SBF2: variants seen among roughly 807,000 people sequenced by gnomAD.
SBF2 encodes the protein myotubularin-related protein 13.
SBF2 carries 112 observed loss-of-function variants against 225.2 expected under a neutral mutation model. That is an observed-to-expected ratio of 0.50 (90% CI 0.43 to 0.58). The LOEUF is 0.58. Ranked by LOEUF, SBF2 falls within the 20% of genes least tolerant of loss-of-function variation. The probability of loss-of-function intolerance (pLI) is 0.00; values close to 1 mark genes in which losing one functional copy is unlikely to be tolerated. For synonymous variants in SBF2, 763 were observed against 773.3 expected, an observed-to-expected ratio of 0.99 and a Z score of 0.22; for missense variants, 1,996 against 2,206.2, an observed-to-expected ratio of 0.90 and a Z score of 1.91.
At chr11:9,969,132 TTTCCAATCA>T (rs1312487080) in intron 13 of SBF2, among the ~76,000 whole-genome samples, 1 of 152,240 alleles carries the variant, frequency 6.6e-6, no homozygotes, top group African/African-American at 2.4e-5. Context: ...ACATTTATTT[TTTCCAATCA>T]TTTAGACAAA....
intron 16 of SBF2, among the ~76,000 whole-genome samples, chr11:9,945,766 G>A (rs571374524): frequency 6.6e-6 from 1 of 152,152 alleles, no homozygotes; most frequent in East Asian, 1.9e-4. Context: ...TAAAAAATGG[G>A]CAAAGGACAT....
rs184674526 is a variant in SBF2 at position 10,028,593 on chromosome 11, C to T, written c.514-36G>A. 9.2e-5 allele frequency: 118 copies of T among 1,284,494 alleles called. 1 individual carries two copies. The Admixed American group carries it at 1.6e-3, about 17-fold the overall frequency. The allele number at this position is 1,284,494 out of a possible 1,614,324, so 79.6% of individuals were successfully genotyped here. A position where few individuals can be genotyped will look rare whatever the true frequency, so the allele number is the denominator to read the frequency against. On this transcript the variant is annotated intron_variant, in intron 5 of 39. Transcript: ENST00000256190. ...GGAGAAACACAAACACACACACACA[C>T]GATTTCAGCCATTTTTTAAAAAATA... is the stretch of plus-strand genomic sequence containing the variant.
At chr11:10,026,087 G>A (rs1032468634) in intron 6 of SBF2, among the ~76,000 whole-genome samples, 4 of 151,116 alleles carry the variant, frequency 2.6e-5, no homozygotes, top group South Asian at 2.1e-4. Flanking sequence ...AATGCTTCTG[G>A]CACCTAAACA....
chr11:9,900,827 C>G (rs1861664153), intron 16 of SBF2, among the ~76,000 whole-genome samples: 1 of 152,188 alleles, frequency 6.6e-6, no homozygotes, highest in South Asian at 2.1e-4. Context: ...GCCCTGAACT[C>G]CTGGGCTCAA....
At chr11:10,253,352 CT>C (rs1347711743) in intron 1 of SBF2, among the ~76,000 whole-genome samples, 2 of 152,114 alleles carry the variant, frequency 1.3e-5, no homozygotes, top group African/African-American at 4.8e-5. Context: ...GAAAGCCTGT[CT>C]TTTTCTTTTT....
intron 2 of SBF2, among the ~76,000 whole-genome samples, chr11:10,054,093 A>G (rs1179476056): frequency 6.6e-6 from 1 of 152,216 alleles, no homozygotes; most frequent in African/African-American, 2.4e-5. Flanking sequence ...CTTAAAAGGG[A>G]CTATCCAAAA....
intron 1 of SBF2, among the ~76,000 whole-genome samples, chr11:10,219,443 C>T (rs888552470): frequency 1.6e-4 from 25 of 152,162 alleles, no homozygotes; most frequent in Admixed American, 1.6e-3. Flanking sequence ...GCCTCTGGAT[C>T]TGTGATGGGA....
At chr11:10,130,833 C>G (rs1008394163) in intron 2 of SBF2, among the ~76,000 whole-genome samples, 1 of 152,014 alleles carries the variant, frequency 6.6e-6, no homozygotes, top group Non-Finnish European at 1.5e-5. Flanking sequence ...ACATAATGCT[C>G]CTGACTGAGA....
intron 1 of SBF2, among the ~76,000 whole-genome samples, chr11:10,224,887 C>G (rs1364002240): frequency 2.6e-5 from 4 of 152,134 alleles, no homozygotes; most frequent in African/African-American, 9.7e-5. Flanking sequence ...GAACAGGGAC[C>G]ACACCTGCAT....
chr11:10,171,016 T>C (rs1003716217), intron 2 of SBF2, among the ~76,000 whole-genome samples: 2 of 150,708 alleles, frequency 1.3e-5, no homozygotes, highest in Admixed American at 1.3e-4. Flanking sequence ...TTCAATTTGT[T>C]CATCAGTTTT....
chr11:9,931,906 C>T (rs1209996139), intron 16 of SBF2, among the ~76,000 whole-genome samples: 1 of 152,158 alleles, frequency 6.6e-6, no homozygotes, highest in African/African-American at 2.4e-5. Flanking sequence ...GAATGGCTAA[C>T]TAGAACAAAC....
intron 2 of SBF2, among the ~76,000 whole-genome samples, chr11:10,142,709 A>G (rs1338111160): frequency 6.6e-6 from 1 of 152,256 alleles, no homozygotes; most frequent in East Asian, 1.9e-4. Flanking sequence ...GACTTCTGAT[A>G]TGTGAATATC....
chr11:10,140,680 T>C (rs12274021), intron 2 of SBF2, among the ~76,000 whole-genome samples: 3,201 of 152,216 alleles, frequency 0.021, 86 homozygotes, highest in African/African-American at 0.063. Flanking sequence ...CTCCCATTTA[T>C]AGCTAGTCAG....
At chr11:9,808,625 A>T in intron 31 of SBF2, 1 of 425,106 alleles carries the variant, frequency 2.4e-6, no homozygotes, top group Non-Finnish European at 4.3e-6. Context: ...AGGATGGTCC[A>T]CGCCTCACAC....
At chr11:9,941,657 T>C (rs1865258646) in intron 16 of SBF2, among the ~76,000 whole-genome samples, 1 of 152,196 alleles carries the variant, frequency 6.6e-6, no homozygotes, top group South Asian at 2.1e-4. Flanking sequence ...GGAAATGGAC[T>C]TAATAACCTG....
At chr11:10,156,871 C>T (rs926706846) in intron 2 of SBF2, among the ~76,000 whole-genome samples, 4 of 152,120 alleles carry the variant, frequency 2.6e-5, no homozygotes, top group African/African-American at 4.8e-5. Context: ...CAATGCTATG[C>T]CTATTAAACT....
chr11:9,946,692 C>T lies in SBF2; in HGVS notation c.1860+15265G>A, dbSNP rs993083005. Among the ~76,000 whole-genome samples the T allele has an allele frequency of 4.6e-5, 7 of 152,116 alleles. No homozygotes were observed. In the South Asian group the frequency reaches 6.2e-4, roughly 14 times the overall value. On this transcript the variant is annotated intron_variant, in intron 16 of 39. Coordinates refer to ENST00000256190, the MANE Select transcript of SBF2 (RefSeq NM_030962.4). ...CTCGAACTCCGGACCTCAGGTAATC[C>T]GCCCGCCTCGGCCTCCCAGAGTACT...
At chr11:9,859,775 G>C (rs1215797478) in intron 17 of SBF2, among the ~76,000 whole-genome samples, 5 of 152,178 alleles carry the variant, frequency 3.3e-5, no homozygotes, top group African/African-American at 1.2e-4. Context: ...TTTTGGTCTA[G>C]AACTGCATAC....
chr11:10,257,550 A>G (rs1960966178), intron 1 of SBF2, among the ~76,000 whole-genome samples: 1 of 151,848 alleles, frequency 6.6e-6, no homozygotes, highest in South Asian at 2.1e-4. Context: ...CTCCACTCTC[A>G]GCTACTCAGA....
Sources: allele counts gnomAD v4.1 joint callset (sites outside exome capture counted in the v4.1 genomes callset), GRCh38; gene constraint gnomAD v4.1.1; transcripts MANE v1.5; gene names NCBI Gene and HGNC (gene_info 2026-07-23, HGNC 2026-07-21).